GRM5: variants seen among roughly 807,000 people sequenced by gnomAD.
The protein encoded by GRM5 is glutamate metabotropic receptor 5.
In GRM5, 19 loss-of-function variants were observed where a neutral mutation model predicts 83.1. The ratio of observed to expected loss-of-function variants is 0.23; its 90% confidence interval spans 0.16 to 0.34. The LOEUF (loss-of-function observed/expected upper bound fraction) is 0.34. Among genes scored for constraint, GRM5 ranks in the 10% least tolerant of loss-of-function variants. GRM5 has a pLI of 1.00. For synonymous variants in GRM5, 675 were observed against 633.6 expected (o/e 1.07, Z -0.98); for missense variants, 1,160 against 1,588.3 (o/e 0.73, Z 4.58).
At chr11:88,573,187 T>C (rs1219543494) in intron 7 of GRM5, among the ~76,000 whole-genome samples, 1 of 152,178 alleles carries the variant, frequency 6.6e-6, no homozygotes. Context: ...GACAAGTTTT[T>C]CTTTTTTTAA....
intron 2 of GRM5, among the ~76,000 whole-genome samples, chr11:88,948,587 AT>A (rs1938356633): frequency 6.6e-6 from 1 of 152,232 alleles, no homozygotes; most frequent in African/African-American, 2.4e-5. Flanking sequence ...AAGTTTGAGA[AT>A]TCATAAAATT....
chr11:88,684,973 T>C (rs557552898), intron 3 of GRM5, among the ~76,000 whole-genome samples: 2 of 152,216 alleles, frequency 1.3e-5, no homozygotes, highest in East Asian at 3.9e-4. Flanking sequence ...TTATAATAAA[T>C]TGGTACCAAG....
At chr11:88,845,227 T>C (rs1298811031) in intron 3 of GRM5, among the ~76,000 whole-genome samples, 2 of 151,874 alleles carry the variant, frequency 1.3e-5, no homozygotes, top group Non-Finnish European at 2.9e-5. Context: ...CTTCAGCAAT[T>C]GCCACCCTAA....
At chr11:88,640,644 G>A (rs1939264272) in intron 4 of GRM5, among the ~76,000 whole-genome samples, 1 of 152,178 alleles carries the variant, frequency 6.6e-6, no homozygotes, top group African/African-American at 2.4e-5. Context: ...CGGCTTGAAG[G>A]TGACATTCAC....
At chr11:88,979,602 C>T (rs966058103) in intron 2 of GRM5, among the ~76,000 whole-genome samples, 1 of 151,962 alleles carries the variant, frequency 6.6e-6, no homozygotes, top group African/African-American at 2.4e-5. Context: ...TTTCAGGGCC[C>T]ATCTTACTAT....
chr11:88,569,354 A>T (rs1057107988), intron 7 of GRM5, among the ~76,000 whole-genome samples: 1 of 152,192 alleles, frequency 6.6e-6, no homozygotes, highest in Non-Finnish European at 1.5e-5. Context: ...CATTTGAGGA[A>T]TGTAGCAGAA....
At chr11:89,050,622 T>C (rs2135155756) in intron 1 of GRM5, among the ~76,000 whole-genome samples, 1 of 152,306 alleles carries the variant, frequency 6.6e-6, no homozygotes, top group Admixed American at 6.5e-5. Flanking sequence ...ACTGGCTATA[T>C]ACCCAAAGGA....
intron 3 of GRM5, among the ~76,000 whole-genome samples, chr11:88,718,674 G>A (rs1941456043): frequency 6.6e-6 from 1 of 151,858 alleles, no homozygotes. Flanking sequence ...CATAGGCTCA[G>A]TTCACTTCTC....
chr11:88,543,710 G>T (rs1942326069), intron 8 of GRM5, among the ~76,000 whole-genome samples: 1 of 149,596 alleles, frequency 6.7e-6, no homozygotes, highest in Non-Finnish European at 1.5e-5. Context: ...AAAGGATCGA[G>T]TTATCTATAC....
chr11:88,585,987 T>G (rs1310837970), intron 7 of GRM5, among the ~76,000 whole-genome samples: 1 of 152,162 alleles, frequency 6.6e-6, no homozygotes, highest in Non-Finnish European at 1.5e-5. Context: ...TACCTAATTC[T>G]GGTGTTCCTA....
chr11:89,044,142 C>T (rs992759578), intron 2 of GRM5, among the ~76,000 whole-genome samples: 2 of 152,150 alleles, frequency 1.3e-5, no homozygotes, highest in African/African-American at 4.8e-5. Flanking sequence ...GCAAAGGACC[C>T]TTTACATTTC....
chr11:88,967,250 T>TATATATATATATATATATATATATACAC (rs1565312979), intron 2 of GRM5, among the ~76,000 whole-genome samples: 121 of 2,064 alleles, frequency 0.059, no homozygotes, highest in South Asian at 0.068. Flanking sequence ...TATATACACA[T>TATATATATATATATATATATATATACAC]ATATATATAT....
chr11:88,556,324 CTT>C (rs377331160), intron 8 of GRM5, among the ~76,000 whole-genome samples: 47 of 129,672 alleles, frequency 3.6e-4, no homozygotes, highest in Admixed American at 3.8e-4. Flanking sequence ...CTTTTCTTTT[CTT>C]TTTTTTTTTT....
At chr11:88,948,888 T>A (rs1162245659) in intron 2 of GRM5, among the ~76,000 whole-genome samples, 1 of 152,054 alleles carries the variant, frequency 6.6e-6, no homozygotes, top group Non-Finnish European at 1.5e-5. Flanking sequence ...GCAAATAAAG[T>A]AATACAAGAG....
intron 2 of GRM5, among the ~76,000 whole-genome samples, chr11:88,889,940 T>C (rs1347581231): frequency 6.6e-6 from 1 of 152,178 alleles, no homozygotes; most frequent in East Asian, 1.9e-4. Flanking sequence ...AAAGGTTCTG[T>C]TCAGTTTTGC....
chr11:88,552,873 T>C (rs1452527963), intron 8 of GRM5, among the ~76,000 whole-genome samples: 1 of 152,232 alleles, frequency 6.6e-6, no homozygotes, highest in East Asian at 1.9e-4. Context: ...TGAATGCAAT[T>C]AAACAAAAGC....
chr11:88,923,774 T>C (rs1031993615), intron 2 of GRM5, among the ~76,000 whole-genome samples: 3 of 151,848 alleles, frequency 2.0e-5, no homozygotes, highest in Admixed American at 6.6e-5. Context: ...ATTTGATTAT[T>C]ATGCATTGTA....
intron 1 of GRM5, among the ~76,000 whole-genome samples, chr11:89,052,492 T>C (rs913798401): frequency 6.6e-6 from 1 of 152,178 alleles, no homozygotes; most frequent in African/African-American, 2.4e-5. Context: ...GAGAAAAACG[T>C]ATCCGATTCA....
chr11:88,707,724 C>A (rs1280237014), intron 3 of GRM5, among the ~76,000 whole-genome samples: 2 of 152,060 alleles, frequency 1.3e-5, no homozygotes, highest in Non-Finnish European at 2.9e-5. Flanking sequence ...AAAAGTGTTA[C>A]TTTCCATCTA....
Sources: gnomAD v4.1 joint callset for allele counts (sites outside exome capture counted in the v4.1 genomes callset) on GRCh38, gnomAD v4.1.1 for gene constraint, MANE v1.5 for transcripts, NCBI Gene and HGNC (gene_info 2026-07-23, HGNC 2026-07-21) for gene names.